Variants in ANO2 observed in about 807,000 individuals in gnomAD.
ANO2 encodes anoctamin-2.
ANO2 carries 101 observed loss-of-function variants against 124.2 expected under a neutral mutation model. The observed-to-expected ratio is 0.81, with a 90% CI of 0.69 to 0.96. The LOEUF is 0.96. ANO2 is among the 40% of genes least tolerant of loss of function. ANO2 has a pLI of 0.00. For missense variants in ANO2, 1,293 were observed against 1,274.5 expected, an observed-to-expected ratio of 1.01 and a Z score of -0.22; for synonymous variants, 486 against 482.5, an observed-to-expected ratio of 1.01 and a Z score of -0.09.
rs1946719466 is a variant in ANO2 at position 5,647,780 on chromosome 12, A to G, written c.1567T>C (p.Trp523Arg). 6.2e-7 allele frequency: 1 copy of G among 1,610,166 alleles called. No homozygotes were observed. Among genetic ancestry groups the G allele is most frequent in the Non-Finnish European group, 8.5e-7 (1 of 1,178,434 alleles). The change falls in exon 15 of 25, where the codon TGG (tryptophan) becomes CGG (arginine). Residue 523 changes from tryptophan (W) to arginine (R), a missense_variant. Trp to Arg is a moderately radical substitution (Grantham distance 101). Coordinates refer to ENST00000682330, the MANE Select transcript of ANO2 (RefSeq NM_001364791.2). ...GDEDDEDKLT[W>R]KDRFPGYLMN... is the part of the protein sequence containing the mutation. ...AGGTAACCTGGGAAACGATCCTTCC[A>G]GGTCAGTTTATCTTCATCATCCTGG...
chr12:5,803,477 C>T (rs1248519338), intron 9 of ANO2, among the ~76,000 whole-genome samples: 1 of 152,148 alleles, frequency 6.6e-6, no homozygotes, highest in African/African-American at 2.4e-5. Context: ...TTCCAGAATG[C>T]TAAAGGAAGT....
chr12:5,748,491 C>T (rs747873605), intron 11 of ANO2, among the ~76,000 whole-genome samples: 1 of 152,188 alleles, frequency 6.6e-6, no homozygotes, highest in African/African-American at 2.4e-5. Context: ...GACTTTGGAA[C>T]AGGAGGCAAC....
chr12:5,593,410 G>A (rs1943506740), intron 20 of ANO2, among the ~76,000 whole-genome samples: 1 of 152,222 alleles, frequency 6.6e-6, no homozygotes, highest in Non-Finnish European at 1.5e-5. Flanking sequence ...GTCCAGACTT[G>A]TCAATAGAGC....
rs1012547465 is a variant in ANO2 at position 5,796,512 on chromosome 12, C to T, written c.1055+2995G>A. ...CAACACACAGAGACACACTCTCACA[C>T]GAACACATTCTCACACTCACACACA... On this transcript the variant is annotated intron_variant, in intron 10 of 24. Transcript: ENST00000682330. 6.6e-5 allele frequency among the ~76,000 whole-genome samples: 10 copies of T among 151,672 alleles called. No homozygotes were observed. The East Asian group carries it at 7.8e-4, about 12-fold the overall frequency.
chr12:5,794,645 T>C (rs1952793877), intron 10 of ANO2, among the ~76,000 whole-genome samples: 1 of 152,142 alleles, frequency 6.6e-6, no homozygotes, highest in African/African-American at 2.4e-5. Flanking sequence ...GTTTGAACAT[T>C]ATTATAGTCC....
At chr12:5,669,866 C>T (rs532494180) in intron 14 of ANO2, among the ~76,000 whole-genome samples, 1 of 152,316 alleles carries the variant, frequency 6.6e-6, no homozygotes, top group East Asian at 1.9e-4. Flanking sequence ...TCACCTTTCA[C>T]TCTGACAATC....
chr12:5,654,598 C>T (rs417646), intron 14 of ANO2, among the ~76,000 whole-genome samples: 61,498 of 151,572 alleles, frequency 0.41, 14,104 homozygotes, highest in African/African-American at 0.61. Flanking sequence ...TGATTATCAT[C>T]TGCATCACTA....
chr12:5,842,530 C>T (rs532417218), intron 4 of ANO2, among the ~76,000 whole-genome samples: 2 of 152,194 alleles, frequency 1.3e-5, no homozygotes, highest in East Asian at 1.9e-4. Context: ...ATGGAGCCTC[C>T]GAATCCATCT....
At chr12:5,638,232 TTTTCC>T (rs1402129736) in intron 15 of ANO2, among the ~76,000 whole-genome samples, 2 of 118,720 alleles carry the variant, frequency 1.7e-5, no homozygotes, top group African/African-American at 6.2e-5. Flanking sequence ...GCACTGTTTC[TTTTCC>T]TTTTTTTTTT....
At chr12:5,919,488 A>G (rs370059446) in intron 3 of ANO2, among the ~76,000 whole-genome samples, 11 of 119,712 alleles carry the variant, frequency 9.2e-5, no homozygotes, top group East Asian at 5.3e-4. Flanking sequence ...AGAGGGCAAC[A>G]GCACAAAGAC....
At chr12:5,639,833 C>T (rs963315937) in intron 15 of ANO2, among the ~76,000 whole-genome samples, 3 of 152,072 alleles carry the variant, frequency 2.0e-5, no homozygotes, top group Non-Finnish European at 4.4e-5. Context: ...GATGATCTGT[C>T]AGGGGCAGTG....
At chr12:5,814,124 G>A (rs928740430) in intron 7 of ANO2, among the ~76,000 whole-genome samples, 1 of 152,178 alleles carries the variant, frequency 6.6e-6, no homozygotes, top group African/African-American at 2.4e-5. Flanking sequence ...ATAGTCACCT[G>A]CTCAAGGTCA....
At chr12:5,610,982 T>C (rs1944518286) in intron 19 of ANO2, among the ~76,000 whole-genome samples, 1 of 146,882 alleles carries the variant, frequency 6.8e-6, no homozygotes, top group Non-Finnish European at 1.5e-5. Flanking sequence ...CTTTTTTTTT[T>C]TTTTTTTGAG....
intron 20 of ANO2, among the ~76,000 whole-genome samples, chr12:5,596,237 T>G (rs1334199603): frequency 6.6e-6 from 1 of 152,222 alleles, no homozygotes; most frequent in Non-Finnish European, 1.5e-5. Flanking sequence ...AAGCCTTCAC[T>G]GGAAGATAGG....
rs563848403 is a variant in ANO2 at position 5,821,722 on chromosome 12, A to T, written c.892+6047T>A. 3.9e-5 allele frequency among the ~76,000 whole-genome samples: 6 copies of T among 152,334 alleles called. No individual in the cohort carries two copies. In the East Asian group the frequency reaches 1.2e-3, roughly 29 times the overall value. On this transcript the variant is annotated intron_variant, in intron 7 of 24. Coordinates refer to ENST00000682330, the MANE Select transcript of ANO2 (RefSeq NM_001364791.2). ...CTGAACGTTTGACTATGGGTCATAA[A>T]GTCACCATGGCACCTGAACTGCCTA...
At chr12:5,818,690 G>A (rs2362476) in intron 7 of ANO2, among the ~76,000 whole-genome samples, 88,678 of 150,874 alleles carry the variant, frequency 0.59, 26,328 homozygotes, top group East Asian at 0.7. Context: ...ACTTCTAATA[G>A]TATGGAGAAC....
In ANO2 at chr12:5,900,724, G is replaced by A. The variant is rs1199021525; in HGVS notation, c.534+20316C>T. ...ATGGGTGGGGCCGGGACAGGAAATGGCCAAGCACACAGCATCTTCCCAACC... is the reference window on the plus strand; with the variant it reads ...ATGGGTGGGGCCGGGACAGGAAATGACCAAGCACACAGCATCTTCCCAACC... On this transcript the variant is annotated intron_variant, in intron 3 of 24. Transcript: ENST00000682330. The surrounding 1 kb of genome is among the most constrained non-coding windows in gnomAD (Gnocchi z 4.2). Among the ~76,000 whole-genome samples, 1 of 152,180 alleles carries A rather than the reference G, an allele frequency of 6.6e-6. No homozygotes were observed. Among genetic ancestry groups the A allele is most frequent in the East Asian group, 1.9e-4 (1 of 5,194 alleles).
At chr12:5,718,732 G>A (rs370767722) in intron 14 of ANO2, among the ~76,000 whole-genome samples, 1 of 152,210 alleles carries the variant, frequency 6.6e-6, no homozygotes, top group Non-Finnish European at 1.5e-5. Flanking sequence ...GAAGGTACTG[G>A]TGCCAGATTG....
chr12:5,922,595 C>G (rs1317667582), intron 2 of ANO2, 25 bp downstream of exon 2: 2 of 1,481,844 alleles, frequency 1.3e-6, no homozygotes, highest in Non-Finnish European at 1.8e-6. Flanking sequence ...CCTATCCCCC[C>G]ACCCCACCCC....
Sources: gnomAD v4.1 joint callset for allele counts (sites outside exome capture counted in the v4.1 genomes callset) on GRCh38, gnomAD v4.1.1 for gene constraint, Gnocchi (gnomAD v3.1) non-coding constraint, MANE v1.5 for transcripts, NCBI Gene and HGNC (gene_info 2026-07-23, HGNC 2026-07-21) for gene names.